The following GRM8 variants were observed in gnomAD, a reference collection of about 807,000 sequenced individuals.
GRM8 encodes metabotropic glutamate receptor 8.
In GRM8, 47 loss-of-function variants were observed where a neutral mutation model predicts 87.2. The observed-to-expected ratio is 0.54, with a 90% CI of 0.43 to 0.69. The LOEUF (loss-of-function observed/expected upper bound fraction) is 0.69, where lower values mean the gene tolerates loss of function less well. Among genes scored for constraint, GRM8 ranks in the 30% least tolerant of loss-of-function variants. The probability of loss-of-function intolerance (pLI) is 0.00; values close to 1 mark genes in which losing one functional copy is unlikely to be tolerated. For missense variants in GRM8, 1,019 were observed against 1,139.2 expected (o/e 0.89, Z 1.52); for synonymous variants, 396 against 404.5 (o/e 0.98, Z 0.25).
chr7:126,527,349 C>T (rs565390558), intron 9 of GRM8, among the ~76,000 whole-genome samples: 19 of 152,246 alleles, frequency 1.2e-4, no homozygotes, highest in African/African-American at 4.6e-4. Context: ...CAGAGCGAGA[C>T]TTCATCTCAA....
intron 3 of GRM8, among the ~76,000 whole-genome samples, chr7:126,937,148 A>G (rs1806422255): frequency 6.6e-6 from 1 of 152,172 alleles, no homozygotes; most frequent in Admixed American, 6.5e-5. Flanking sequence ...ATATTCTCCT[A>G]GGCCACACAA....
At chr7:127,175,542 T>C (rs1016933999) in intron 2 of GRM8, among the ~76,000 whole-genome samples, 1 of 152,096 alleles carries the variant, frequency 6.6e-6, no homozygotes, top group East Asian at 1.9e-4. Context: ...GCATAGCATA[T>C]GCAAACTGCA....
chr7:126,983,659 A>G (rs1197240525), intron 3 of GRM8, among the ~76,000 whole-genome samples: 1 of 152,194 alleles, frequency 6.6e-6, no homozygotes, highest in African/African-American at 2.4e-5. Context: ...CAACGGAGGT[A>G]AGGAAGGGTA....
At chr7:127,225,468 G>A (rs1289742497) in intron 2 of GRM8, among the ~76,000 whole-genome samples, 1 of 144,770 alleles carries the variant, frequency 6.9e-6, no homozygotes, top group East Asian at 1.9e-4. Context: ...TATGCTTTGT[G>A]TGCAACCTAT....
intron 2 of GRM8, among the ~76,000 whole-genome samples, chr7:127,168,030 G>C (rs1793561526): frequency 6.6e-6 from 1 of 152,162 alleles, no homozygotes; most frequent in Non-Finnish European, 1.5e-5. Context: ...AAACTAAAGA[G>C]CTTCTGCACA....
At chr7:127,199,604 T>C (rs538968987) in intron 2 of GRM8, among the ~76,000 whole-genome samples, 7 of 152,336 alleles carry the variant, frequency 4.6e-5, no homozygotes, top group Admixed American at 4.6e-4. Context: ...GTTTGTGCTA[T>C]ATCATGAGAG....
At chr7:126,497,789 G>A (rs1808991509) in intron 9 of GRM8, among the ~76,000 whole-genome samples, 1 of 151,970 alleles carries the variant, frequency 6.6e-6, no homozygotes, top group African/African-American at 2.4e-5. Flanking sequence ...TAAATGATAG[G>A]CAGTAGTAAC....
At chr7:126,684,648 G>C (rs1807972783) in intron 7 of GRM8, among the ~76,000 whole-genome samples, 1 of 152,236 alleles carries the variant, frequency 6.6e-6, no homozygotes, top group Non-Finnish European at 1.5e-5. Flanking sequence ...CAGTGTCATA[G>C]ATGTGTAGCA....
chr7:127,058,576 A>G (rs1187975876), intron 3 of GRM8, among the ~76,000 whole-genome samples: 3 of 152,210 alleles, frequency 2.0e-5, no homozygotes, highest in Non-Finnish European at 4.4e-5. Context: ...CTTGCCCTCA[A>G]TGTCCACCTT....
At position 126,851,454 on chromosome 7, in the gene GRM8, A is replaced by G. The variant is rs191128323; in HGVS notation, c.1156+51088T>C. Among the ~76,000 whole-genome samples, 99 of 152,304 alleles carry G rather than the reference A, an allele frequency of 6.5e-4. 1 individual carries two copies. Among genetic ancestry groups the G allele is most frequent in the African/African-American group, 2.3e-3 (95 of 41,562 alleles). Reference sequence around the variant, plus strand: ...GTGGAAAACCCTCGAATAAGTTCCCATCTCAAAGTAAGAGAGCCAAGAGCC... The same window carrying G: ...GTGGAAAACCCTCGAATAAGTTCCCGTCTCAAAGTAAGAGAGCCAAGAGCC... On this transcript the variant is annotated intron_variant, in intron 6 of 10. Transcript: ENST00000339582.
intron 2 of GRM8, among the ~76,000 whole-genome samples, chr7:127,203,855 T>A: frequency 6.7e-6 from 1 of 149,710 alleles, no homozygotes; most frequent in African/African-American, 2.5e-5. Context: ...AAAAAGGGAG[T>A]GGGAGAGACA....
At chr7:126,812,900 G>C (rs1051027134) in intron 6 of GRM8, among the ~76,000 whole-genome samples, 1 of 152,014 alleles carries the variant, frequency 6.6e-6, no homozygotes, top group African/African-American at 2.4e-5. Flanking sequence ...AAACAGACAG[G>C]AAACTTTTAT....
At chr7:126,597,675 C>T (rs1323224391) in intron 8 of GRM8, among the ~76,000 whole-genome samples, 1 of 151,622 alleles carries the variant, frequency 6.6e-6, no homozygotes, top group African/African-American at 2.4e-5. Context: ...TTCTTTTATC[C>T]ATCTTTGGTG....
At chr7:126,841,493 C>G (rs1018967764) in intron 6 of GRM8, among the ~76,000 whole-genome samples, 1 of 152,022 alleles carries the variant, frequency 6.6e-6, no homozygotes, top group Admixed American at 6.6e-5. Flanking sequence ...CATCACAAGT[C>G]CCAGAATGTC....
At chr7:127,099,324 G>A (rs1194533232) in intron 3 of GRM8, among the ~76,000 whole-genome samples, 1 of 152,056 alleles carries the variant, frequency 6.6e-6, no homozygotes, top group African/African-American at 2.4e-5. Context: ...CAGGCCAAAA[G>A]ACCAAAAGGG....
intron 7 of GRM8, among the ~76,000 whole-genome samples, chr7:126,717,756 T>A (rs6963208): frequency 1.1e-3 from 162 of 152,302 alleles, no homozygotes; most frequent in African/African-American, 3.7e-3. Context: ...ATAACAGGAC[T>A]TAAATTACCA....
At chr7:126,456,257 T>C (rs1448146184) in intron 9 of GRM8, among the ~76,000 whole-genome samples, 1 of 151,356 alleles carries the variant, frequency 6.6e-6, no homozygotes, top group Non-Finnish European at 1.5e-5. Flanking sequence ...AGAAAGCACA[T>C]TGACATATGT....
intron 9 of GRM8, among the ~76,000 whole-genome samples, chr7:126,506,669 C>CT (rs1810520945): frequency 6.6e-6 from 1 of 151,750 alleles, no homozygotes; most frequent in East Asian, 2.0e-4. Context: ...ACCCCAGCTA[C>CT]TTGAGAGGCT....
chr7:126,769,675 T>C (rs1818610612), intron 7 of GRM8, among the ~76,000 whole-genome samples, 190 bp downstream of exon 7: 2 of 152,078 alleles, frequency 1.3e-5, no homozygotes, highest in Non-Finnish European at 2.9e-5. Flanking sequence ...CCTTCACGCA[T>C]AGATTAATGG....
Sources: allele counts gnomAD v4.1 joint callset (sites outside exome capture counted in the v4.1 genomes callset), GRCh38; gene constraint gnomAD v4.1.1; transcripts MANE v1.5; gene names NCBI Gene and HGNC (gene_info 2026-07-23, HGNC 2026-07-21).